Variants in NELL1 observed in about 807,000 individuals in gnomAD.
NELL1 encodes protein kinase C-binding protein NELL1.
A neutral mutation model predicts 107.4 loss-of-function variants in NELL1; 76 were observed. The observed-to-expected ratio is 0.71, with a 90% CI of 0.59 to 0.86. NELL1 has a LOEUF of 0.86. Among genes scored for constraint, NELL1 ranks in the 40% least tolerant of loss-of-function variants. The pLI is 0.00. For missense variants in NELL1, 1,024 were observed against 1,005.5 expected, an observed-to-expected ratio of 1.02 and a Z score of -0.25; for synonymous variants, 353 against 341.2, an observed-to-expected ratio of 1.03 and a Z score of -0.38.
intron 12 of NELL1, chr11:21,000,998 C>T (rs1007311823): frequency 6.6e-6 from 1 of 152,134 alleles, no homozygotes; most frequent in Non-Finnish European, 1.5e-5. Flanking sequence ...AATGCTGGGC[C>T]ATGTAAGCAG....
intron 12 of NELL1, among the ~76,000 whole-genome samples, chr11:21,110,434 C>A (rs1288136109): frequency 6.6e-6 from 1 of 152,076 alleles, no homozygotes; most frequent in Non-Finnish European, 1.5e-5. Context: ...GCCTTGGAAT[C>A]TTATGAAACA....
At chr11:21,207,636 A>G (rs925632059) in intron 13 of NELL1, among the ~76,000 whole-genome samples, 14 of 152,180 alleles carry the variant, frequency 9.2e-5, no homozygotes, top group African/African-American at 3.4e-4. Flanking sequence ...CATTATATCA[A>G]TGGTCTTGAG....
chr11:20,868,850 G>A (rs1298433287), intron 4 of NELL1, among the ~76,000 whole-genome samples: 2 of 151,904 alleles, frequency 1.3e-5, no homozygotes, highest in African/African-American at 4.8e-5. Context: ...ACCTCACAAA[G>A]GAAAAAAATT....
At chr11:21,289,246 AGT>A (rs1049297360) in intron 14 of NELL1, among the ~76,000 whole-genome samples, 1 of 152,216 alleles carries the variant, frequency 6.6e-6, no homozygotes, top group Non-Finnish European at 1.5e-5. Context: ...AAACAGCTCC[AGT>A]GTGTGGCTCC....
At chr11:21,393,807 C>T (rs779804095) in intron 15 of NELL1, among the ~76,000 whole-genome samples, 2 of 151,638 alleles carry the variant, frequency 1.3e-5, no homozygotes, top group Non-Finnish European at 3.0e-5. Context: ...TTGACTTCCA[C>T]TTTTAAATAT....
intron 14 of NELL1, among the ~76,000 whole-genome samples, chr11:21,262,085 TGTC>T (rs1848544993): frequency 6.6e-6 from 1 of 151,912 alleles, no homozygotes; most frequent in African/African-American, 2.4e-5. Flanking sequence ...TCGTTCCTCT[TGTC>T]ATTAAGAATC....
chr11:21,383,724 A>G (rs981930346), intron 15 of NELL1: 4 of 149,952 alleles, frequency 2.7e-5, no homozygotes, highest in Non-Finnish European at 5.9e-5. Flanking sequence ...TGATATTAAT[A>G]AAAAGAATAG....
intron 15 of NELL1, among the ~76,000 whole-genome samples, chr11:21,504,404 T>TAAAC (rs1855228989): frequency 6.6e-6 from 1 of 152,226 alleles, no homozygotes; most frequent in Non-Finnish European, 1.5e-5. Context: ...GAAAGGTTAG[T>TAAAC]AAACAGTGGA....
chr11:21,453,296 G>A (rs991969562), intron 15 of NELL1, among the ~76,000 whole-genome samples: 3 of 152,000 alleles, frequency 2.0e-5, no homozygotes, highest in Non-Finnish European at 4.4e-5. Context: ...TCTTTGTTAT[G>A]TACATGTGCA....
At chr11:21,481,686 G>A (rs548445056) in intron 15 of NELL1, among the ~76,000 whole-genome samples, 1 of 152,196 alleles carries the variant, frequency 6.6e-6, no homozygotes, top group African/African-American at 2.4e-5. Context: ...TGAGACTGCT[G>A]TGCCTCGTGG....
chr11:20,810,052 C>T (rs921887627), intron 3 of NELL1, among the ~76,000 whole-genome samples: 2 of 151,764 alleles, frequency 1.3e-5, no homozygotes, highest in African/African-American at 4.8e-5. Context: ...TGAGAGTATC[C>T]ATTGTATCTC....
At chr11:21,426,670 C>T (rs978498214) in intron 15 of NELL1, among the ~76,000 whole-genome samples, 1 of 152,186 alleles carries the variant, frequency 6.6e-6, no homozygotes, top group Non-Finnish European at 1.5e-5. Context: ...TTGGTTATCT[C>T]AGTCACAAGT....
chr11:20,697,145 T>A (rs1295718349), intron 2 of NELL1, among the ~76,000 whole-genome samples: 1 of 152,168 alleles, frequency 6.6e-6, no homozygotes, highest in Non-Finnish European at 1.5e-5. Flanking sequence ...AATGAGTGTC[T>A]ATGGGTAAGG....
chr11:21,171,392 A>G (rs1409667313), intron 13 of NELL1, among the ~76,000 whole-genome samples: 1 of 151,914 alleles, frequency 6.6e-6, no homozygotes, highest in Non-Finnish European at 1.5e-5. Flanking sequence ...ATTTTGGTAC[A>G]TATACTTTTA....
At chr11:21,461,133 C>T (rs1167563642) in intron 15 of NELL1, among the ~76,000 whole-genome samples, 1 of 151,972 alleles carries the variant, frequency 6.6e-6, no homozygotes, top group Non-Finnish European at 1.5e-5. Context: ...TAATTGATAA[C>T]AATCACTTAT....
chr11:21,259,731 C>G (rs114473060), intron 14 of NELL1, among the ~76,000 whole-genome samples: 2,426 of 151,470 alleles, frequency 0.016, 75 homozygotes, highest in African/African-American at 0.056. Flanking sequence ...AGTCCATAGA[C>G]CTTTTTCTTT....
intron 15 of NELL1, among the ~76,000 whole-genome samples, chr11:21,483,729 GAACA>G (rs1336843229): frequency 6.6e-6 from 1 of 150,784 alleles, no homozygotes; most frequent in Admixed American, 6.6e-5. Context: ...TTCAAAGAGT[GAACA>G]AATAGAAGTA....
chr11:21,513,448 C>T (rs2133947001), intron 15 of NELL1, among the ~76,000 whole-genome samples: 1 of 152,106 alleles, frequency 6.6e-6, no homozygotes, highest in Admixed American at 6.5e-5. Flanking sequence ...ATACTTTTGC[C>T]AGACTATAAT....
At chr11:21,455,317 A>G (rs146557502) in intron 15 of NELL1, among the ~76,000 whole-genome samples, 5 of 63,588 alleles carry the variant, frequency 7.9e-5, no homozygotes, top group Non-Finnish European at 1.5e-4. Context: ...TTTTTCTTTT[A>G]TTCTTTTTTT....
Sources: gnomAD v4.1 joint callset for allele counts (sites outside exome capture counted in the v4.1 genomes callset) on GRCh38, gnomAD v4.1.1 for gene constraint, MANE v1.5 for transcripts, NCBI Gene and HGNC (gene_info 2026-07-23, HGNC 2026-07-21) for gene names.